The following CSNK2A2IP variants were observed in gnomAD, a reference collection of about 807,000 sequenced individuals.
CSNK2A2IP encodes casein kinase II subunit alpha'-interacting protein.
the CSNK2A2IP span, among the ~76,000 whole-genome samples, chr3:88,399,124 T>A: frequency 6.6e-6 from 1 of 152,314 alleles, no homozygotes; most frequent in African/African-American, 2.4e-5. Context: ...TGTTTTTTAA[T>A]GAGGCCATTT....
At chr3:88,384,205 C>G in the CSNK2A2IP span, among the ~76,000 whole-genome samples, 2 of 151,884 alleles carry the variant, frequency 1.3e-5, no homozygotes, top group African/African-American at 4.8e-5. Flanking sequence ...GAAACAAATA[C>G]ATAAAACAAG....
At chr3:88,427,889 C>G in the CSNK2A2IP span, among the ~76,000 whole-genome samples, 1 of 152,164 alleles carries the variant, frequency 6.6e-6, no homozygotes, top group Admixed American at 6.5e-5. Context: ...AGAGTACCCA[C>G]TTGGTCACTG....
chr3:88,367,668 C>A, the CSNK2A2IP span, among the ~76,000 whole-genome samples: 1 of 152,044 alleles, frequency 6.6e-6, no homozygotes. Context: ...TTAATGCAAG[C>A]CGTTCACACC....
the CSNK2A2IP span, among the ~76,000 whole-genome samples, chr3:88,412,739 G>A: frequency 6.6e-6 from 1 of 151,962 alleles, no homozygotes; most frequent in South Asian, 2.1e-4. Flanking sequence ...AGAGCATAAG[G>A]TGTAGCCTAT....
the CSNK2A2IP span, among the ~76,000 whole-genome samples, chr3:88,448,122 T>C: frequency 1.3e-5 from 2 of 152,206 alleles, no homozygotes; most frequent in South Asian, 2.1e-4. Flanking sequence ...TGGAAGATTA[T>C]TGGACTTGAA....
chr3:88,391,983 C>T, the CSNK2A2IP span, among the ~76,000 whole-genome samples: 2 of 152,064 alleles, frequency 1.3e-5, no homozygotes, highest in Non-Finnish European at 2.9e-5. Flanking sequence ...AAAGAAATGA[C>T]GGTGCATTGA....
chr3:88,428,681 A>AACTAT, the CSNK2A2IP span, among the ~76,000 whole-genome samples: 12 of 152,158 alleles, frequency 7.9e-5, no homozygotes, highest in African/African-American at 2.4e-4. Context: ...TATGGTCTAA[A>AACTAT]ACTATACTGG....
the CSNK2A2IP span, among the ~76,000 whole-genome samples, chr3:88,464,560 T>G: frequency 6.6e-6 from 1 of 151,938 alleles, no homozygotes; most frequent in Admixed American, 6.6e-5. Flanking sequence ...TAAAAGGGTA[T>G]AGTCAAAAGT....
chr3:88,426,848 T>C, the CSNK2A2IP span, among the ~76,000 whole-genome samples: 8 of 138,304 alleles, frequency 5.8e-5, no homozygotes, highest in Non-Finnish European at 1.1e-4. Flanking sequence ...TTATTAGCAG[T>C]GTGAGAATAG....
At chr3:88,438,203 T>G in the CSNK2A2IP span, among the ~76,000 whole-genome samples, 1 of 152,242 alleles carries the variant, frequency 6.6e-6, no homozygotes, top group African/African-American at 2.4e-5. Flanking sequence ...TACTGGCTAC[T>G]GGATTACATA....
At chr3:88,410,806 T>C in the CSNK2A2IP span, among the ~76,000 whole-genome samples, 1 of 152,032 alleles carries the variant, frequency 6.6e-6, no homozygotes, top group African/African-American at 2.4e-5. Context: ...TGAATTCTGA[T>C]GATAAAAACT....
the CSNK2A2IP span, among the ~76,000 whole-genome samples, chr3:88,460,298 G>C: frequency 6.6e-6 from 1 of 152,044 alleles, no homozygotes; most frequent in Non-Finnish European, 1.5e-5. Context: ...ATTTTGCCAA[G>C]TCTGAAACTG....
chr3:88,451,001 G>T, the CSNK2A2IP span, among the ~76,000 whole-genome samples: 1 of 151,842 alleles, frequency 6.6e-6, no homozygotes, highest in Non-Finnish European at 1.5e-5. Flanking sequence ...TCCCAGCTTT[G>T]CCAACATTTG....
chr3:88,400,634 G>A, the CSNK2A2IP span, among the ~76,000 whole-genome samples: 1 of 152,118 alleles, frequency 6.6e-6, no homozygotes, highest in Non-Finnish European at 1.5e-5. Flanking sequence ...TCAGCAAGCT[G>A]TAACATTGAA....
the CSNK2A2IP span, among the ~76,000 whole-genome samples, chr3:88,357,576 C>T: frequency 6.6e-6 from 1 of 152,020 alleles, no homozygotes. Context: ...TTTGAGGTTC[C>T]ACATAAATTT....
the CSNK2A2IP span, among the ~76,000 whole-genome samples, chr3:88,390,583 A>G: frequency 6.6e-6 from 1 of 152,188 alleles, no homozygotes; most frequent in African/African-American, 2.4e-5. Context: ...ATAAATAACT[A>G]AATCGAGTGG....
At chr3:88,339,205 C>G in the CSNK2A2IP span, among the ~76,000 whole-genome samples, 1 of 152,048 alleles carries the variant, frequency 6.6e-6, no homozygotes, top group Non-Finnish European at 1.5e-5. Flanking sequence ...ACTTTATCCC[C>G]CAGTTCCCAT....
the CSNK2A2IP span, among the ~76,000 whole-genome samples, chr3:88,438,666 A>G: frequency 6.6e-6 from 1 of 152,296 alleles, no homozygotes; most frequent in Non-Finnish European, 1.5e-5. Flanking sequence ...CTGTTAGAGC[A>G]TTCCCTTTGT....
chr3:88,398,173 T>C, the CSNK2A2IP span, among the ~76,000 whole-genome samples: 4 of 152,132 alleles, frequency 2.6e-5, no homozygotes, highest in South Asian at 8.3e-4. Context: ...GCCACTGGAA[T>C]TGTTCTTAAA....
Sources: gnomAD v4.1 joint callset for allele counts (sites outside exome capture counted in the v4.1 genomes callset) on GRCh38, gnomAD v4.1.1 for gene constraint, MANE v1.5 for transcripts, NCBI Gene and HGNC (gene_info 2026-07-23, HGNC 2026-07-21) for gene names.